The following ARHGEF37 variants were observed in gnomAD, a reference collection of about 807,000 sequenced individuals.
ARHGEF37 encodes Rho guanine nucleotide exchange factor (GEF) 37.
ARHGEF37 carries 55 observed loss-of-function variants against 71.1 expected under a neutral mutation model. The observed-to-expected ratio is 0.77, with a 90% CI of 0.62 to 0.97. The LOEUF (loss-of-function observed/expected upper bound fraction) is 0.97. Ranked by LOEUF, ARHGEF37 falls within the 50% of genes least tolerant of loss-of-function variation. ARHGEF37 has a pLI of 0.00. For synonymous variants in ARHGEF37, 327 were observed against 350.6 expected, an observed-to-expected ratio of 0.93 and a Z score of 0.75; for missense variants, 765 against 836.8, an observed-to-expected ratio of 0.91 and a Z score of 1.06.
At chr5:149,608,457 G>A (rs1243841639) in intron 3 of ARHGEF37, among the ~76,000 whole-genome samples, 1 of 151,488 alleles carries the variant, frequency 6.6e-6, no homozygotes, top group African/African-American at 2.4e-5. Flanking sequence ...TGCAACCTCC[G>A]CCTCCCAGGT....
chr5:149,563,332 T>C (rs1395278504), intron 1 of ARHGEF37, among the ~76,000 whole-genome samples: 1 of 152,226 alleles, frequency 6.6e-6, no homozygotes, highest in Non-Finnish European at 1.5e-5. Context: ...TCTGAGCTCC[T>C]AAATCTTGCT....
intron 9 of ARHGEF37, among the ~76,000 whole-genome samples, chr5:149,623,704 T>C (rs1263473818): frequency 6.6e-6 from 1 of 152,180 alleles, no homozygotes; most frequent in Non-Finnish European, 1.5e-5. Context: ...GGCCTGTCCC[T>C]GTGGAGCCTG....
At chr5:149,600,585 T>C (rs6579745) in intron 2 of ARHGEF37, among the ~76,000 whole-genome samples, 100,600 of 151,844 alleles carry the variant, frequency 0.66, 35,412 homozygotes, top group East Asian at 1. Flanking sequence ...GTTCAGCTTT[T>C]CTTCCCCACT....
chr5:149,560,652 G>T (rs1449861126), intron 1 of ARHGEF37, among the ~76,000 whole-genome samples: 1 of 152,130 alleles, frequency 6.6e-6, no homozygotes, highest in African/African-American at 2.4e-5. Flanking sequence ...GTTGGGTGCG[G>T]TGGCTCATGC....
At chr5:149,607,755 C>CTT (rs67079479) in intron 3 of ARHGEF37, among the ~76,000 whole-genome samples, 539 of 83,090 alleles carry the variant, frequency 6.5e-3, no homozygotes, top group African/African-American at 9.0e-3. Context: ...AAAGAAACTT[C>CTT]TTTTTTTTTT....
Position 149,634,927 on chromosome 5 carries a change from C to A in ARHGEF37, c.*2736C>A, listed in dbSNP as rs1752989450. 1 of 152,160 alleles carries A rather than the reference C, an allele frequency of 6.6e-6. No homozygotes were observed. Among genetic ancestry groups the A allele is most frequent in the South Asian group, 2.1e-4 (1 of 4,828 alleles). The allele number at this position is 152,160 out of a possible 1,614,324, so 9.4% of individuals were successfully genotyped here. A position where few individuals can be genotyped will look rare whatever the true frequency, so the allele number is the denominator to read the frequency against. On this transcript the variant is annotated 3_prime_UTR_variant, in exon 13 of 13. Transcript: ENST00000333677. ...TGACGAACCCCAGCTCAATGAGTAA[C>A]TGATGTGAACTGCTGGGAATAAAGG... is the stretch of plus-strand genomic sequence containing the variant.
rs188758755 is a variant in ARHGEF37, at chr5:149,620,112, G to A, written c.895-242G>A. 4.6e-5 allele frequency among the ~76,000 whole-genome samples: 7 copies of A among 152,100 alleles called. No homozygotes were observed. The East Asian group carries it at 1.4e-3, about 29-fold the overall frequency. On this transcript the variant is annotated intron_variant, in intron 7 of 12. Transcript: ENST00000333677. ...AGAAAAAGAAAAAAACCCCACAAAG[G>A]TGGCATGTAAATGTATGAAGTTCAA...
At chr5:149,594,053 A>G (rs1357840623) in intron 1 of ARHGEF37, among the ~76,000 whole-genome samples, 1 of 152,228 alleles carries the variant, frequency 6.6e-6, no homozygotes, top group Non-Finnish European at 1.5e-5. Context: ...TGATACCTGT[A>G]TACAATGTGT....
At position 149,620,555 on chromosome 5, in the gene ARHGEF37, C is replaced by T. The variant is rs556938773; in HGVS notation, c.1005+91C>T. On this transcript the variant is annotated intron_variant, in intron 8 of 12. Transcript: ENST00000333677. ...TTAGAAGTCAGGCACTTTGGCCAGG[C>T]GTGGTGGCTCACGCCTGTAATCCCA... 352 of 1,017,840 alleles carry T rather than the reference C, an allele frequency of 3.5e-4. 1 individual carries two copies. In the African/African-American group the frequency reaches 4.8e-3, roughly 14 times the overall value. The allele number at this position is 1,017,840 out of a possible 1,614,324, so 63.1% of individuals were successfully genotyped here.
In ARHGEF37 at chr5:149,627,090, G is replaced by T. The variant is rs766201001; in HGVS notation, c.1479G>T (p.Gly493=). 16 of 1,613,356 alleles carry T rather than the reference G, an allele frequency of 9.9e-6. No individual in the cohort carries two copies. The highest frequency in any genetic ancestry group is 1.6e-4 in the Middle Eastern group (1 of 6,072). ...PPPTTQPLLP[G]SERQVQALLS... The stretch of plus-strand genomic sequence containing the variant: ...TCCTCTCCCAGCCGCTCCTTCCAGG[G>T]TCTGAACGCCAGGTGCAGGCTCTCC... The change falls in exon 11 of 13, where the codon GGG becomes GGT. Residue 493 remains glycine, a synonymous_variant. Transcript: ENST00000333677.
At chr5:149,609,418 A>G in intron 3 of ARHGEF37, 130 bp from the exon 4 acceptor site, 1 of 993,786 alleles carries the variant, frequency 1.0e-6, no homozygotes, top group East Asian at 2.4e-5. Flanking sequence ...TCATTTGCCC[A>G]TGGTGACATG....
intron 11 of ARHGEF37, among the ~76,000 whole-genome samples, chr5:149,628,606 G>A (rs889644889): frequency 2.6e-5 from 4 of 152,212 alleles, no homozygotes; most frequent in Non-Finnish European, 4.4e-5. Flanking sequence ...GGTAGGGAAT[G>A]AGCCCCCCAT....
chr5:149,632,054 A>T lies in ARHGEF37; in HGVS notation c.1891A>T (p.Ile631Phe). The T allele has an allele frequency of 1.2e-6, 2 of 1,614,242 alleles. No individual in the cohort carries two copies. ...VSLQAGQPVTILEAQDKKGNP... is the reference protein window; with the variant it reads ...VSLQAGQPVTFLEAQDKKGNP... ...CCTGCAGGCAGGCCAGCCTGTGACC[A>T]TCCTGGAGGCCCAGGACAAGAAGGG... is the stretch of plus-strand genomic sequence containing the variant. The change falls in exon 13 of 13, where the codon ATC (isoleucine) becomes TTC (phenylalanine). Residue 631 changes from isoleucine (I) to phenylalanine (F), a missense_variant. By Grantham distance (21) the Ile-to-Phe change is conservative (BLOSUM62 0). This residue lies in a region of ARHGEF37 where 390 missense variants were observed against 407.4 expected (regional missense o/e 0.96). Coordinates refer to ENST00000333677, the MANE Select transcript of ARHGEF37 (RefSeq NM_001001669.3).
chr5:149,628,459 G>A (rs17724261), intron 11 of ARHGEF37, among the ~76,000 whole-genome samples: 21,059 of 152,246 alleles, frequency 0.14, 1,684 homozygotes, highest in Middle Eastern at 0.31. Flanking sequence ...GTCCTGGGGA[G>A]AGGAAGCAGC....
chr5:149,598,616 T>C (rs1763645969), intron 2 of ARHGEF37, among the ~76,000 whole-genome samples: 2 of 151,438 alleles, frequency 1.3e-5, no homozygotes, highest in Admixed American at 6.6e-5. Context: ...AGTCAGGAAA[T>C]GCATTTGCTG....
intron 1 of ARHGEF37, among the ~76,000 whole-genome samples, chr5:149,558,713 G>A (rs932831723): frequency 1.1e-4 from 14 of 133,298 alleles, no homozygotes; most frequent in African/African-American, 3.9e-4. Flanking sequence ...GTGTGTGTGT[G>A]TGTGTGTGTG....
chr5:149,559,703 C>T lies in ARHGEF37; in HGVS notation c.-12+7580C>T, dbSNP rs111672590. ...TGATATAGTTTGTGGTGATTAAACC[C>T]GTATTCATGGACTATTCAATCTTTT... On this transcript the variant is annotated intron_variant, in intron 1 of 2. Coordinates refer to the ARHGEF37 transcript ENST00000505810. Among the ~76,000 whole-genome samples, 124 of 152,252 alleles carry T rather than the reference C, an allele frequency of 8.1e-4. 2 individuals carry two copies. Among genetic ancestry groups the T allele is most frequent in the African/African-American group, 2.8e-3 (115 of 41,540 alleles).
At chr5:149,565,672 A>C (rs1401403216) in intron 1 of ARHGEF37, among the ~76,000 whole-genome samples, 1 of 152,124 alleles carries the variant, frequency 6.6e-6, no homozygotes, top group Admixed American at 6.6e-5. Context: ...CCAGGACTGC[A>C]ATGAAGAACA....
At position 149,618,312 on chromosome 5, in the gene ARHGEF37, C is replaced by G; in HGVS notation, c.789+6C>G. ...AGGCGGGGCTGATCCCCAGGGTGAG[C>G]GTGCGCCTGGGAGGAAGAGTCACAT... On this transcript the variant is annotated splice_donor_region_variant and intron_variant, in intron 6 of 12. Coordinates refer to ENST00000333677, the MANE Select transcript of ARHGEF37 (RefSeq NM_001001669.3). The G allele has an allele frequency of 1.9e-6, 3 of 1,614,014 alleles. No homozygotes were observed. The highest frequency in any genetic ancestry group is 1.7e-6 in the Non-Finnish European group (2 of 1,179,944).
Sources: gnomAD v4.1 joint callset for allele counts (sites outside exome capture counted in the v4.1 genomes callset) on GRCh38, gnomAD v4.1.1 for gene constraint, gnomAD v4.1.1 regional missense constraint, MANE v1.5 for transcripts, NCBI Gene and HGNC (gene_info 2026-07-23, HGNC 2026-07-21) for gene names.